Variants in CCDC146 observed in about 807,000 individuals in gnomAD.
The protein encoded by CCDC146 is coiled-coil domain containing 146, also known as coiled-coil domain-containing protein 146.
A neutral mutation model predicts 119.3 loss-of-function variants in CCDC146; 92 were observed. That is an observed-to-expected ratio of 0.77 (90% CI 0.65 to 0.92). The LOEUF (loss-of-function observed/expected upper bound fraction) is 0.92. Ranked by LOEUF, CCDC146 falls within the 40% of genes least tolerant of loss-of-function variation. CCDC146 has a pLI of 0.00. For missense variants in CCDC146, 1,000 were observed against 1,103.0 expected (o/e 0.91, Z 1.32); for synonymous variants, 372 against 371.8 (o/e 1.00, Z -0.01).
chr7:77,263,919 A>C (rs1793351458), intron 9 of CCDC146, among the ~76,000 whole-genome samples: 1 of 152,176 alleles, frequency 6.6e-6, no homozygotes, highest in Non-Finnish European at 1.5e-5. Flanking sequence ...GCCAGACTCC[A>C]TCTCAAACAA....
intron 2 of CCDC146, among the ~76,000 whole-genome samples, chr7:77,173,057 A>T (rs2117499537): frequency 6.6e-6 from 1 of 152,058 alleles, no homozygotes; most frequent in Non-Finnish European, 1.5e-5. Flanking sequence ...GGACACAGAG[A>T]GGGGAACAAC....
At chr7:77,292,258 T>C (rs1014076223) in intron 17 of CCDC146, among the ~76,000 whole-genome samples, 2 of 150,698 alleles carry the variant, frequency 1.3e-5, no homozygotes, top group African/African-American at 2.4e-5. Context: ...CACACTACTA[T>C]ATACCAGTGT....
intron 2 of CCDC146, among the ~76,000 whole-genome samples, chr7:77,230,734 CT>C (rs1792611220): frequency 6.6e-6 from 1 of 152,082 alleles, no homozygotes; most frequent in South Asian, 2.1e-4. Context: ...ACTTGGGATT[CT>C]TTGAGCTCCT....
At chr7:77,274,252 A>G (rs1296613507) in intron 10 of CCDC146, among the ~76,000 whole-genome samples, 1 of 152,062 alleles carries the variant, frequency 6.6e-6, no homozygotes, top group African/African-American at 2.4e-5. Flanking sequence ...TATTTTTTTT[A>G]TAGAGAGGGA....
chr7:77,128,798 ACT>A (rs1790743890), intron 1 of CCDC146, among the ~76,000 whole-genome samples: 1 of 151,928 alleles, frequency 6.6e-6, no homozygotes, highest in Non-Finnish European at 1.5e-5. Context: ...GAATCCCGAT[ACT>A]CTTTCTCTCT....
chr7:77,286,358 C>T (rs1274814101), intron 15 of CCDC146, among the ~76,000 whole-genome samples: 1 of 152,130 alleles, frequency 6.6e-6, no homozygotes, highest in African/African-American at 2.4e-5. Context: ...CCATCCTGCC[C>T]CCATGACCCA....
chr7:77,176,523 A>G (rs1791502791), intron 2 of CCDC146, among the ~76,000 whole-genome samples: 1 of 144,544 alleles, frequency 6.9e-6, no homozygotes, highest in South Asian at 2.1e-4. Context: ...AAGAAGCAAC[A>G]GGTCTGAAGG....
intron 1 of CCDC146, among the ~76,000 whole-genome samples, chr7:77,125,137 T>G (rs1790675087): frequency 6.6e-6 from 1 of 151,518 alleles, no homozygotes; most frequent in African/African-American, 2.4e-5. Flanking sequence ...GAGGTTGCAG[T>G]GAGCCGAGAT....
At chr7:77,157,856 T>G (rs1791200864) in intron 1 of CCDC146, among the ~76,000 whole-genome samples, 1 of 152,196 alleles carries the variant, frequency 6.6e-6, no homozygotes, top group Admixed American at 6.5e-5. Flanking sequence ...TTTGATTAAC[T>G]TGTCTTGCTG....
At chr7:77,187,635 G>A (rs1169502190) in intron 2 of CCDC146, among the ~76,000 whole-genome samples, 1 of 152,116 alleles carries the variant, frequency 6.6e-6, no homozygotes, top group Non-Finnish European at 1.5e-5. Context: ...CATTCCAGTC[G>A]AAGAGAGAGC....
intron 13 of CCDC146, among the ~76,000 whole-genome samples, chr7:77,279,949 G>C (rs578236208): frequency 1.5e-4 from 23 of 152,262 alleles, no homozygotes; most frequent in African/African-American, 5.5e-4. Context: ...GGGGTCGGGG[G>C]TGGATGAAAA....
intron 17 of CCDC146, among the ~76,000 whole-genome samples, chr7:77,288,846 T>C (rs1039215702): frequency 1.1e-4 from 16 of 152,222 alleles, no homozygotes; most frequent in Non-Finnish European, 5.9e-5. Flanking sequence ...TCTTAATTTC[T>C]CCAATGCCTA....
chr7:77,224,123 A>G (rs1441876556), intron 2 of CCDC146, among the ~76,000 whole-genome samples: 1 of 152,224 alleles, frequency 6.6e-6, no homozygotes, highest in Non-Finnish European at 1.5e-5. Context: ...TGCCATAACA[A>G]ATTACCACAA....
chr7:77,126,629 C>T (rs1335987063), intron 1 of CCDC146, among the ~76,000 whole-genome samples: 1 of 152,044 alleles, frequency 6.6e-6, no homozygotes, highest in Non-Finnish European at 1.5e-5. Flanking sequence ...GAGGGTGCCT[C>T]CTGTCTGCTG....
At chr7:77,201,870 A>T (rs1791996203) in intron 2 of CCDC146, among the ~76,000 whole-genome samples, 1 of 152,198 alleles carries the variant, frequency 6.6e-6, no homozygotes, top group African/African-American at 2.4e-5. Context: ...GAAATAAATG[A>T]AACAATAGAT....
chr7:77,278,667 G>A (rs1361839371), intron 11 of CCDC146, 85 bp from the exon 12 acceptor site: 2 of 952,966 alleles, frequency 2.1e-6, no homozygotes, highest in Non-Finnish European at 3.2e-6. Flanking sequence ...CTGGAGAATT[G>A]TCTTTAATGG....
At chr7:77,287,373 T>G in intron 16 of CCDC146, 67 bp from the exon 17 acceptor site, 1 of 1,549,150 alleles carries the variant, frequency 6.5e-7, no homozygotes, top group Non-Finnish European at 8.9e-7. Flanking sequence ...ACTGCTCTAA[T>G]TAGGAAATAA....
intron 2 of CCDC146, among the ~76,000 whole-genome samples, chr7:77,220,457 A>G (rs1239597037): frequency 6.6e-6 from 1 of 152,214 alleles, no homozygotes; most frequent in African/African-American, 2.4e-5. Flanking sequence ...GGTGACATAC[A>G]TCCTCAGCTT....
At chr7:77,145,801 G>A (rs1397128807) in intron 1 of CCDC146, among the ~76,000 whole-genome samples, 4 of 152,118 alleles carry the variant, frequency 2.6e-5, no homozygotes, top group Non-Finnish European at 5.9e-5. Context: ...TATAATTTCT[G>A]TTCTTTTACA....
Sources: gnomAD v4.1 joint callset for allele counts (sites outside exome capture counted in the v4.1 genomes callset) on GRCh38, gnomAD v4.1.1 for gene constraint, MANE v1.5 for transcripts, NCBI Gene and HGNC (gene_info 2026-07-23, HGNC 2026-07-21) for gene names.